The following CACNA1A variants were observed in gnomAD, a reference collection of about 807,000 sequenced individuals.
CACNA1A encodes the protein calcium voltage-gated channel subunit alpha1 A.
CACNA1A carries 57 observed loss-of-function variants against 262.4 expected under a neutral mutation model. The observed-to-expected ratio is 0.22, with a 90% CI of 0.18 to 0.27. CACNA1A has a LOEUF of 0.27. Among genes scored for constraint, CACNA1A ranks in the 10% least tolerant of loss-of-function variants. CACNA1A has a pLI of 1.00. For missense variants in CACNA1A, 2,526 were observed against 3,562.8 expected, an observed-to-expected ratio of 0.71 and a Z score of 7.41; for synonymous variants, 1,431 against 1,419.3, an observed-to-expected ratio of 1.01 and a Z score of -0.18.
At chr19:13,416,439 C>T (rs1375372844) in intron 3 of CACNA1A, among the ~76,000 whole-genome samples, 3 of 151,906 alleles carry the variant, frequency 2.0e-5, no homozygotes, top group African/African-American at 4.8e-5. Flanking sequence ...CCTAGCACTT[C>T]GGGAGGCCGA....
rs147383115 is a variant in CACNA1A at position 13,330,748 on chromosome 19, G to A, written c.1256-415C>T. Among the ~76,000 whole-genome samples the A allele has an allele frequency of 3.4e-3, 519 of 152,132 alleles. 1 individual carries two copies. Among genetic ancestry groups the A allele is most frequent in the African/African-American group, 0.012 (490 of 41,492 alleles). Reference sequence around the variant, plus strand: ...TGAGACTACAGGCATGCACCACCACGCCTGGCTAATTTTTGTATTATTAGT... The same window carrying A: ...TGAGACTACAGGCATGCACCACCACACCTGGCTAATTTTTGTATTATTAGT... On this transcript the variant is annotated intron_variant, in intron 9 of 46. Coordinates refer to ENST00000360228, the MANE Select transcript of CACNA1A (RefSeq NM_001127222.2).
rs183378048 is a variant in CACNA1A, at chr19:13,303,740, C to T, written c.2104+27G>A. On this transcript the variant is annotated intron_variant, in intron 16 of 46. Transcript: ENST00000360228. ...TCCTCTGCCAGAGGTCCAGGCCTGT[C>T]CCCTTCTCTCTCTCCATGAAGGATA... The T allele has an allele frequency of 1.6e-3, 2,463 of 1,580,872 alleles. 1 individual carries two copies. The highest frequency in any genetic ancestry group is 3.9e-3 in the Admixed American group (232 of 59,972).
At chr19:13,446,986 A>C (rs187744604) in intron 3 of CACNA1A, among the ~76,000 whole-genome samples, 1 of 152,246 alleles carries the variant, frequency 6.6e-6, no homozygotes, top group East Asian at 1.9e-4. Context: ...AAATTTGAGC[A>C]ATGTGCCTCA....
chr19:13,351,666 C>T (rs1159429992), intron 6 of CACNA1A, among the ~76,000 whole-genome samples: 8 of 152,266 alleles, frequency 5.3e-5, no homozygotes, highest in Admixed American at 1.3e-4. Context: ...TGTGCCACCA[C>T]GCCTGGCTAA....
chr19:13,471,584 A>C (rs1252240445), intron 1 of CACNA1A, among the ~76,000 whole-genome samples: 3 of 152,218 alleles, frequency 2.0e-5, no homozygotes, highest in Non-Finnish European at 4.4e-5. Flanking sequence ...AGAAATATCT[A>C]TAATCTCAGT....
chr19:13,490,331 G>A (rs1487089247), intron 1 of CACNA1A, among the ~76,000 whole-genome samples: 2 of 152,152 alleles, frequency 1.3e-5, no homozygotes, highest in South Asian at 2.1e-4. Flanking sequence ...TAGCCCAGGC[G>A]TGGTAGCTCA....
chr19:13,481,986 G>C (rs562435921), intron 1 of CACNA1A, among the ~76,000 whole-genome samples: 32 of 152,148 alleles, frequency 2.1e-4, no homozygotes, highest in African/African-American at 7.7e-4. Flanking sequence ...GGAGAAGACA[G>C]CTATCCAAGC....
chr19:13,262,574 T>C, intron 25 of CACNA1A, 160 bp downstream of exon 25: 1 of 614,020 alleles, frequency 1.6e-6, no homozygotes, highest in Admixed American at 2.7e-5. Context: ...TACTGCCATC[T>C]GCTGGGAAGT....
intron 29 of CACNA1A, among the ~76,000 whole-genome samples, chr19:13,254,623 A>G (rs1304302508): frequency 6.6e-6 from 1 of 151,918 alleles, no homozygotes; most frequent in Non-Finnish European, 1.5e-5. Flanking sequence ...CGGCCTCCCA[A>G]AGTTCTGGGA....
At chr19:13,401,449 T>C (rs2059898782) in intron 3 of CACNA1A, among the ~76,000 whole-genome samples, 1 of 152,208 alleles carries the variant, frequency 6.6e-6, no homozygotes, top group South Asian at 2.1e-4. Flanking sequence ...AGTTGAGGCA[T>C]GAGTGGGAGG....
At chr19:13,267,065 G>C (rs1482433737) in intron 24 of CACNA1A, among the ~76,000 whole-genome samples, 1 of 151,984 alleles carries the variant, frequency 6.6e-6, no homozygotes, top group Non-Finnish European at 1.5e-5. Context: ...AGGACACAAG[G>C]CCACAGAAAC....
intron 3 of CACNA1A, among the ~76,000 whole-genome samples, chr19:13,416,982 A>G (rs1305103481): frequency 1.3e-5 from 2 of 152,222 alleles, no homozygotes; most frequent in African/African-American, 4.8e-5. Context: ...ACATACGGAT[A>G]TTAATATCCA....
chr19:13,490,860 AAAGGAAAGG>A (rs1386483117), intron 1 of CACNA1A, among the ~76,000 whole-genome samples: 3 of 146,830 alleles, frequency 2.0e-5, no homozygotes, highest in African/African-American at 7.6e-5. Flanking sequence ...AGGGAAAGAG[AAAGGAAAGG>A]AAGGAAAGGA....
intron 29 of CACNA1A, 29 bp downstream of exon 29, chr19:13,255,066 A>C: frequency 6.2e-7 from 1 of 1,610,932 alleles, no homozygotes; most frequent in East Asian, 2.2e-5. Flanking sequence ...GGGGTTAAGT[A>C]GTGCTGGGGG....
At chr19:13,359,083 T>C (rs1390207718) in intron 6 of CACNA1A, among the ~76,000 whole-genome samples, 4 of 152,186 alleles carry the variant, frequency 2.6e-5, no homozygotes, top group Admixed American at 6.5e-5. Flanking sequence ...CGCAAGTTCA[T>C]GGAATCTGGC....
Position 13,430,690 on chromosome 19 carries a change from A to G in CACNA1A, c.539+22186T>C, listed in dbSNP as rs76025490. ...GCTCTGGGGGAATAGCAGTGAACAA[A>G]ACAGACAGAAGTCCCTGCCCTCATG... On this transcript the variant is annotated intron_variant, in intron 3 of 46. Transcript: ENST00000360228. Among the ~76,000 whole-genome samples the G allele has an allele frequency of 4.8e-3, 734 of 152,276 alleles. 5 individuals are homozygous for G. Among genetic ancestry groups the G allele is most frequent in the African/African-American group, 0.017 (711 of 41,554 alleles).
rs34849471 is a variant in CACNA1A at position 13,360,265 on chromosome 19, G to GTATATATATATATA, written c.785-480_785-467dup. ...ATTAGGTGTCTGTGTGTGTGTGTGT[G>GTATATATATATATA]TATATATATATATATATATATGAAG... is the stretch of plus-strand genomic sequence containing the variant. On this transcript the variant is annotated intron_variant, in intron 5 of 46. Coordinates refer to ENST00000360228, the MANE Select transcript of CACNA1A (RefSeq NM_001127222.2). Among the ~76,000 whole-genome samples, 25 of 124,226 alleles carry GTATATATATATATA rather than the reference G, an allele frequency of 2.0e-4. No individual in the cohort carries two copies. The South Asian group carries it at 2.8e-3, about 14-fold the overall frequency. The allele number at this position is 124,226 out of a possible 152,430, so 81.5% of individuals were successfully genotyped here.
intron 4 of CACNA1A, among the ~76,000 whole-genome samples, chr19:13,367,557 CT>C (rs1237821102): frequency 8.5e-5 from 13 of 152,132 alleles, no homozygotes; most frequent in Admixed American, 2.0e-4. Context: ...GAAACCCCGT[CT>C]CTACTAAAAA....
chr19:13,335,562 C>A (rs943067627), intron 7 of CACNA1A, among the ~76,000 whole-genome samples: 6 of 152,142 alleles, frequency 3.9e-5, no homozygotes, highest in Non-Finnish European at 1.5e-5. Flanking sequence ...TAAACCCAAA[C>A]TATTGGTTTT....
Sources: allele counts gnomAD v4.1 joint callset (sites outside exome capture counted in the v4.1 genomes callset), GRCh38; gene constraint gnomAD v4.1.1; transcripts MANE v1.5; gene names NCBI Gene and HGNC (gene_info 2026-07-23, HGNC 2026-07-21).